The following NIN variants were observed in gnomAD, a reference collection of about 807,000 sequenced individuals.
NIN encodes glycogen synthase kinase 3 beta-interacting protein.
In NIN, 137 loss-of-function variants were observed where a neutral mutation model predicts 257.6. The ratio of observed to expected loss-of-function variants is 0.53; its 90% CI spans 0.46 to 0.61. The LOEUF is 0.61. Among genes scored for constraint, NIN ranks in the 20% least tolerant of loss-of-function variants. The pLI is 0.00. For missense variants in NIN, 2,439 were observed against 2,501.2 expected (o/e 0.98, Z 0.53); for synonymous variants, 918 against 919.8 (o/e 1.00, Z 0.04).
intron 27 of NIN, 69 bp downstream of exon 27, chr14:50,738,068 TGAG>T (rs1232595345): frequency 8.8e-6 from 13 of 1,476,192 alleles, no homozygotes; most frequent in Non-Finnish European, 1.2e-5. Flanking sequence ...GAAGTACACC[TGAG>T]AAGAAACACA....
chr14:50,756,402 GT>G, intron 18 of NIN, 89 bp downstream of exon 18: 1 of 1,365,098 alleles, frequency 7.3e-7, no homozygotes, highest in Non-Finnish European at 9.9e-7. Flanking sequence ...AGACTACTAG[GT>G]TAGTTTCTCT....
intron 29 of NIN, chr14:50,727,537 AAAGG>A: frequency 8.0e-7 from 1 of 1,247,872 alleles, no homozygotes; most frequent in Non-Finnish European, 1.0e-6. Context: ...ATAATACTGC[AAAGG>A]TTTAACAGTA....
chr14:50,762,131 C>T lies in NIN; in HGVS notation c.1775-220G>A, dbSNP rs186928069. ...GAAGGTGAACAGATTCTTTCATGTA[C>T]AGGCAGTGGAAAAAACCTTAATAGA... On this transcript the variant is annotated intron_variant, in intron 15 of 30. Transcript: ENST00000530997. 8.5e-5 allele frequency among the ~76,000 whole-genome samples: 13 copies of T among 152,294 alleles called. No individual in the cohort carries two copies. In the East Asian group the frequency reaches 2.5e-3, roughly 29 times the overall value.
At chr14:50,753,736 A>T (rs1202786571) in intron 20 of NIN, among the ~76,000 whole-genome samples, 1 of 152,194 alleles carries the variant, frequency 6.6e-6, no homozygotes, top group Non-Finnish European at 1.5e-5. Flanking sequence ...TCCTAACAAC[A>T]ATGCATGGGC....
In NIN at chr14:50,756,790, C is replaced by T. The variant is rs951191260; in HGVS notation, c.4240G>A (p.Gly1414Arg). The T allele has an allele frequency of 1.9e-6, 3 of 1,551,472 alleles. No homozygotes were observed. The highest frequency in any genetic ancestry group is 1.4e-5 in the African/African-American group (1 of 73,028). Residue 1414 changes from glycine (G) to arginine (R), a missense_variant, in exon 18 of 31, where the codon GGA (glycine) becomes AGA (arginine). Coordinates refer to ENST00000530997, the MANE Select transcript of NIN (RefSeq NM_020921.4). ...VKAHEIAWLH[G>R]TIQTHQERPR... ...CTTTCTTGATGTGTCTGAATTGTTC[C>T]ATGTAACCAGGCAATTTCATGTGCT...
chr14:50,760,077 G>C lies in NIN; in HGVS notation c.2179C>G (p.Leu727Val). The stretch of plus-strand genomic sequence containing the variant: ...TGAGCCTGTGTCAGTCTAGCCTTGA[G>C]CTCCATCTCATGTTGCAGCCTCAGC... Reference protein sequence around the residue: ...EKLRLQHEMELKARLTQAQAS... With the variant: ...EKLRLQHEMEVKARLTQAQAS... Residue 727 changes from leucine (L) to valine (V), a missense_variant, in exon 17 of 31, where the codon CTC becomes GTC. Around this residue, in one of 3 missense-constraint regions of NIN, gnomAD observed 2,043 missense variants for 2,050.2 expected, o/e 1.00. Coordinates refer to ENST00000530997, the MANE Select transcript of NIN (RefSeq NM_020921.4). The C allele has an allele frequency of 1.2e-6, 2 of 1,614,170 alleles. No individual in the cohort carries two copies. Among genetic ancestry groups the C allele is most frequent in the Non-Finnish European group, 1.7e-6 (2 of 1,180,022 alleles).
At chr14:50,790,670 T>TATAG (rs1343562015) in intron 5 of NIN, among the ~76,000 whole-genome samples, 2 of 152,302 alleles carry the variant, frequency 1.3e-5, no homozygotes, top group Admixed American at 1.3e-4. Context: ...AGCTTCTGTG[T>TATAG]ATAGCATCAA....
At chr14:50,787,306 C>G (rs1412961576) in intron 5 of NIN, among the ~76,000 whole-genome samples, 1 of 152,206 alleles carries the variant, frequency 6.6e-6, no homozygotes, top group Non-Finnish European at 1.5e-5. Context: ...ACCTTTTCTA[C>G]CAGGCCTGAG....
chr14:50,725,872 T>G, intron 30 of NIN, 81 bp downstream of exon 30: 1 of 1,610,134 alleles, frequency 6.2e-7, no homozygotes, highest in Non-Finnish European at 8.5e-7. Context: ...AGTTAACGAG[T>G]TAATGGCAAT....
At chr14:50,734,177 C>CAGTT in intron 28 of NIN, among the ~76,000 whole-genome samples, 1 of 151,554 alleles carries the variant, frequency 6.6e-6, no homozygotes, top group Non-Finnish European at 1.5e-5. Context: ...GCAACCTCCG[C>CAGTT]CTCCCAGGTT....
rs2040276015 is a variant in NIN at position 50,721,830 on chromosome 14, C to T, written c.*1633G>A. 1.3e-5 allele frequency: 3 copies of T among 224,080 alleles called. No homozygotes were observed. The highest frequency in any genetic ancestry group is 2.7e-5 in the Non-Finnish European group (3 of 112,256). 13.9% of individuals were successfully genotyped at this position (224,080 alleles called of 1,614,324 possible). On this transcript the variant is annotated 3_prime_UTR_variant, in exon 31 of 31. Transcript: ENST00000530997. ...CTTGTCAAGGCTCTTGTAGTGAGGC[C>T]TCCTGGGTTGACCGGTGAGACTCAT...
intron 5 of NIN, among the ~76,000 whole-genome samples, chr14:50,784,603 G>C (rs921501151): frequency 1.3e-5 from 2 of 152,202 alleles, no homozygotes; most frequent in Non-Finnish European, 2.9e-5. Context: ...CAGCTTTAAA[G>C]AACAAACCCA....
chr14:50,768,928 A>T (rs2042613154), intron 12 of NIN, among the ~76,000 whole-genome samples: 1 of 152,232 alleles, frequency 6.6e-6, no homozygotes, highest in Admixed American at 6.5e-5. Context: ...GAGCATCAAC[A>T]TAACTTACAG....
chr14:50,790,358 T>C (rs996042659), intron 5 of NIN, among the ~76,000 whole-genome samples: 1 of 152,174 alleles, frequency 6.6e-6, no homozygotes, highest in African/African-American at 2.4e-5. Flanking sequence ...GCACTGAAAC[T>C]TAATTTTTTA....
Position 50,757,060 on chromosome 14 carries a change from G to A in NIN, c.3970C>T (p.Leu1324=), listed in dbSNP as rs1383075416. 1.2e-6 allele frequency: 2 copies of A among 1,613,714 alleles called. No homozygotes were observed. The highest frequency in any genetic ancestry group is 1.7e-6 in the Non-Finnish European group (2 of 1,179,852). The change falls in exon 18 of 31, where the codon CTG becomes TTG. Residue 1324 remains leucine, a synonymous_variant. Coordinates refer to ENST00000530997, the MANE Select transcript of NIN (RefSeq NM_020921.4). ...ATCTTGCCTTGAAGTCTCAAAACCA[G>A]AACATTCAGCCCCTCATTTTCTATT... The part of the protein sequence containing the change: ...VKIENEGLNV[L]VLRLQGKIEK...
chr14:50,727,079 G>A (rs753699509), intron 29 of NIN, among the ~76,000 whole-genome samples: 2 of 151,784 alleles, frequency 1.3e-5, no homozygotes, highest in Non-Finnish European at 2.9e-5. Flanking sequence ...TTTTAAAAAG[G>A]CCTATATTTA....
intron 12 of NIN, among the ~76,000 whole-genome samples, chr14:50,767,789 C>T (rs573231975): frequency 1.1e-4 from 16 of 150,002 alleles, no homozygotes; most frequent in African/African-American, 3.9e-4. Flanking sequence ...TGCACTCCAG[C>T]CTGGGCGACA....
intron 9 of NIN, 45 bp from the exon 10 acceptor site, chr14:50,771,513 T>A: frequency 6.2e-7 from 1 of 1,603,776 alleles, no homozygotes; most frequent in Non-Finnish European, 8.5e-7. Context: ...AATCACTCAT[T>A]CCATCCTCTG....
Position 50,760,041 on chromosome 14 carries a change from C to A in NIN, c.2215G>T (p.Glu739Ter). Residue 739 changes from glutamate (E) to a stop codon, truncating the protein, a stop_gained, in exon 17 of 31, where the codon GAG becomes TAG. Coordinates refer to ENST00000530997, the MANE Select transcript of NIN (RefSeq NM_020921.4). LOFTEE classifies it high-confidence loss of function. ...ARLTQAQASFEREREGLQSSA... is the reference protein window; with the variant it reads ...ARLTQAQASF ...CTCTGAAGGCCTTCCCTCTCCCGCT[C>A]AAAGCTTGCTTGAGCCTGTGTCAGT... The A allele has an allele frequency of 3.7e-6, 6 of 1,614,190 alleles. No homozygotes were observed. The highest frequency in any genetic ancestry group is 5.1e-6 in the Non-Finnish European group (6 of 1,180,042).
Sources: allele counts gnomAD v4.1 joint callset (sites outside exome capture counted in the v4.1 genomes callset), GRCh38; gene constraint gnomAD v4.1.1; regional missense constraint gnomAD v4.1.1; transcripts MANE v1.5; gene names NCBI Gene and HGNC (gene_info 2026-07-23, HGNC 2026-07-21).